The following BAIAP2L1 variants were observed in gnomAD, a reference collection of about 807,000 sequenced individuals.
BAIAP2L1 encodes the protein BAR/IMD domain containing adaptor protein 2 like 1, also known as BAR/IMD domain-containing adapter protein 2-like 1.
BAIAP2L1 carries 35 observed loss-of-function variants against 66.3 expected under a neutral mutation model. The ratio of observed to expected loss-of-function variants is 0.53; its 90% CI spans 0.40 to 0.70. BAIAP2L1 has a LOEUF of 0.70. Among genes scored for constraint, BAIAP2L1 ranks in the 30% least tolerant of loss-of-function variants. The pLI, the probability that BAIAP2L1 is intolerant of heterozygous loss-of-function variation, is 0.00. For missense variants in BAIAP2L1, 622 were observed against 656.9 expected (o/e 0.95, Z 0.58); for synonymous variants, 269 against 248.7 (o/e 1.08, Z -0.77).
At chr7:98,308,239 G>A (rs528692516) in intron 9 of BAIAP2L1, 20 of 496,468 alleles carry the variant, frequency 4.0e-5, no homozygotes, top group African/African-American at 1.5e-4. Context: ...CCGCTCCAAC[G>A]CCAAACTGCC....
intron 3 of BAIAP2L1, among the ~76,000 whole-genome samples, chr7:98,353,403 AAT>A (rs556138831): frequency 0.024 from 3,317 of 136,814 alleles, 160 homozygotes; most frequent in African/African-American, 0.085. Flanking sequence ...AAATATACAT[AAT>A]ATATATATTA....
intron 12 of BAIAP2L1, 87 bp from the exon 13 acceptor site, chr7:98,294,198 G>T (rs1800089448): frequency 1.4e-6 from 2 of 1,438,072 alleles, no homozygotes; most frequent in Non-Finnish European, 1.9e-6. Context: ...TTGCTATGTT[G>T]CCCAGGCTGG....
intron 1 of BAIAP2L1, among the ~76,000 whole-genome samples, chr7:98,380,880 CTAATG>C (rs1319945576): frequency 4.6e-5 from 7 of 151,516 alleles, no homozygotes; most frequent in Non-Finnish European, 8.8e-5. Flanking sequence ...ATCTAAATCC[CTAATG>C]TTATGGAATG....
At chr7:98,319,972 G>A (rs1801198440) in intron 5 of BAIAP2L1, 86 bp downstream of exon 5, 2 of 1,055,512 alleles carry the variant, frequency 1.9e-6, no homozygotes, top group Non-Finnish European at 2.9e-6. Context: ...GTCTGCTGCT[G>A]ATGAGTCAAC....
intron 12 of BAIAP2L1, among the ~76,000 whole-genome samples, chr7:98,296,963 C>T (rs1562962640): frequency 1.3e-5 from 2 of 152,216 alleles, no homozygotes; most frequent in African/African-American, 2.4e-5. Context: ...TCTCTGTTCC[C>T]TTTCCTTGCA....
At chr7:98,335,704 A>G (rs3801263) in intron 3 of BAIAP2L1, among the ~76,000 whole-genome samples, 61,492 of 152,062 alleles carry the variant, frequency 0.4, 13,390 homozygotes, top group Middle Eastern at 0.55. Context: ...GGCAGGCAGC[A>G]GTGGCACAGG....
chr7:98,311,314 T>A (rs1466586647), intron 8 of BAIAP2L1, among the ~76,000 whole-genome samples: 1 of 146,588 alleles, frequency 6.8e-6, no homozygotes. Context: ...GAGGCCGAGG[T>A]GGGCGGATCA....
intron 1 of BAIAP2L1, among the ~76,000 whole-genome samples, chr7:98,364,108 T>C (rs1436319150): frequency 6.6e-6 from 1 of 152,032 alleles, no homozygotes; most frequent in Admixed American, 6.6e-5. Context: ...TCTCTATACC[T>C]CTCACTCTTC....
chr7:98,359,938 T>TTC lies in BAIAP2L1; in HGVS notation c.127+2418_127+2419insGA, dbSNP rs555970918. ...CATGCCCAGCTAATTTTTTTTTTTT[T>TTC]CTGAGGCCGAGTCTCACTCTGTTGC... is the stretch of plus-strand genomic sequence containing the variant. On this transcript the variant is annotated intron_variant, in intron 2 of 13. Coordinates refer to ENST00000005260, the MANE Select transcript of BAIAP2L1 (RefSeq NM_018842.5). Among the ~76,000 whole-genome samples, 707 of 150,610 alleles carry TTC rather than the reference T, an allele frequency of 4.7e-3. 10 individuals carry two copies. The highest frequency in any genetic ancestry group is 0.016 in the African/African-American group (662 of 41,038).
intron 1 of BAIAP2L1, among the ~76,000 whole-genome samples, chr7:98,368,464 G>C (rs1179534073): frequency 1.3e-5 from 2 of 151,814 alleles, no homozygotes; most frequent in Non-Finnish European, 2.9e-5. Context: ...AGGCCGAGGC[G>C]GGTGGATCAC....
At chr7:98,370,410 G>GTAGTCAAT (rs1248393973) in intron 1 of BAIAP2L1, among the ~76,000 whole-genome samples, 5 of 146,038 alleles carry the variant, frequency 3.4e-5, no homozygotes, top group Admixed American at 1.4e-4. Flanking sequence ...ACTACAGTTT[G>GTAGTCAAT]TAGTCAATAC....
At chr7:98,312,737 T>A (rs1360264869) in intron 7 of BAIAP2L1, among the ~76,000 whole-genome samples, 1 of 113,638 alleles carries the variant, frequency 8.8e-6, no homozygotes, top group Non-Finnish European at 1.8e-5. Flanking sequence ...GTCCTGAGAG[T>A]CTGTCTATGG....
intron 2 of BAIAP2L1, among the ~76,000 whole-genome samples, chr7:98,355,771 G>C (rs549903077): frequency 6.6e-6 from 1 of 152,176 alleles, no homozygotes; most frequent in East Asian, 1.9e-4. Flanking sequence ...TCTCCAGCCA[G>C]AAATCTTTTC....
intron 7 of BAIAP2L1, among the ~76,000 whole-genome samples, chr7:98,313,308 A>G (rs954142563): frequency 6.6e-6 from 1 of 152,166 alleles, no homozygotes; most frequent in African/African-American, 2.4e-5. Flanking sequence ...CATAGAAACG[A>G]GCAGATTTGG....
intron 1 of BAIAP2L1, among the ~76,000 whole-genome samples, chr7:98,373,404 CTAT>C (rs1421237396): frequency 1.3e-5 from 2 of 152,102 alleles, no homozygotes; most frequent in Non-Finnish European, 1.5e-5. Flanking sequence ...TCTATATTAG[CTAT>C]TATATTAGCT....
At chr7:98,358,610 G>A (rs1046013366) in intron 2 of BAIAP2L1, among the ~76,000 whole-genome samples, 1 of 152,066 alleles carries the variant, frequency 6.6e-6, no homozygotes, top group African/African-American at 2.4e-5. Context: ...TCCCACCTCA[G>A]CCTCCCAAAG....
At chr7:98,335,022 G>A (rs1048565653) in intron 3 of BAIAP2L1, among the ~76,000 whole-genome samples, 4 of 149,994 alleles carry the variant, frequency 2.7e-5, no homozygotes, top group Non-Finnish European at 4.4e-5. Flanking sequence ...GCGTGGTGGC[G>A]GGTGCCTGTA....
At chr7:98,340,100 C>A (rs543062710) in intron 3 of BAIAP2L1, among the ~76,000 whole-genome samples, 35 of 152,074 alleles carry the variant, frequency 2.3e-4, no homozygotes, top group Non-Finnish European at 4.7e-4. Context: ...TGGGTTTAAA[C>A]AATTTTCTGT....
intron 1 of BAIAP2L1, among the ~76,000 whole-genome samples, chr7:98,381,992 CT>C: frequency 6.9e-6 from 1 of 145,508 alleles, no homozygotes; most frequent in Non-Finnish European, 1.5e-5. Flanking sequence ...GTGGCGATAT[CT>C]CGGCTCACTG....
Sources: gnomAD v4.1 joint callset for allele counts (sites outside exome capture counted in the v4.1 genomes callset) on GRCh38, gnomAD v4.1.1 for gene constraint, MANE v1.5 for transcripts, NCBI Gene and HGNC (gene_info 2026-07-23, HGNC 2026-07-21) for gene names.